MID1: variants seen among roughly 807,000 people sequenced by gnomAD.
MID1 encodes the protein midline 1.
In MID1, 7 loss-of-function variants were observed where a neutral mutation model predicts 40.4. That is an observed-to-expected ratio of 0.17 (90% confidence interval 0.10 to 0.33). The LOEUF (loss-of-function observed/expected upper bound fraction) is 0.33, where lower values mean the gene tolerates loss of function less well. MID1 is among the 10% of genes least tolerant of loss of function. The pLI is 1.00. For synonymous variants in MID1, 229 were observed against 221.2 expected (o/e 1.04, Z -0.31); for missense variants, 367 against 558.5 (o/e 0.66, Z 3.46).
At chrX:10,630,493 A>C (rs1405171026) in intron 1 of MID1, among the ~76,000 whole-genome samples, 5 of 107,851 alleles carry the variant, frequency 4.6e-5, no homozygotes, top group Non-Finnish European at 7.6e-5. Flanking sequence ...CTACAGTAGT[A>C]GGAGCTGAAG....
At chrX:10,717,700 T>C (rs1353566767) in intron 1 of MID1, among the ~76,000 whole-genome samples, 3 of 110,190 alleles carry the variant, frequency 2.7e-5, no homozygotes, top group African/African-American at 9.9e-5. Context: ...GCGGACCTAA[T>C]AGACATCTAC....
In MID1 at chrX:10,533,369, AAAG is replaced by A. The variant is rs1569089714; in HGVS notation, c.661-10185_661-10183del. ...GAAAGAAAGAAAGAAAGAAAGAAAG[AAAG>A]AAAGAAAAAGAAAGAAAGAAAAGAA... On this transcript the variant is annotated intron_variant, in intron 2 of 9. Transcript: ENST00000317552. 4.0e-3 allele frequency among the ~76,000 whole-genome samples: 332 copies of A among 82,086 alleles called. 1 individual carries two copies. Among genetic ancestry groups the A allele is most frequent in the South Asian group, 0.012 (16 of 1,339 alleles). 71.3% of individuals were successfully genotyped at this position (82,086 alleles called of 115,157 possible). A position where few individuals can be genotyped will look rare whatever the true frequency, so the allele number is the denominator to read the frequency against.
intron 1 of MID1, among the ~76,000 whole-genome samples, chrX:10,665,950 G>A (rs906065979): frequency 2.7e-5 from 3 of 109,755 alleles, no homozygotes; most frequent in Non-Finnish European, 3.8e-5. Flanking sequence ...AGCCAAAAAG[G>A]AAAATTGTTT....
intron 3 of MID1, among the ~76,000 whole-genome samples, chrX:10,513,041 G>T (rs1191886190): frequency 1.8e-5 from 2 of 112,031 alleles, no homozygotes; most frequent in Admixed American, 9.5e-5. Context: ...CATTTTATAT[G>T]CATGACTCAA....
intron 1 of MID1, among the ~76,000 whole-genome samples, chrX:10,727,179 A>C: frequency 8.9e-6 from 1 of 112,328 alleles, no homozygotes; most frequent in East Asian, 2.8e-4. Context: ...CAATGGCACA[A>C]TCTCAGCTCA....
chrX:10,620,648 T>A (rs920087598), upstream of MID1: 1 of 110,829 alleles, frequency 9.0e-6, no homozygotes, highest in South Asian at 3.9e-4. Context: ...AGCAAGGGGG[T>A]GGGTCCTGGG....
Position 10,454,861 on chromosome X carries a change from G to A in MID1, c.1655+9C>T. On this transcript the variant is annotated intron_variant, in intron 9 of 9. Coordinates refer to ENST00000317552, the MANE Select transcript of MID1 (RefSeq NM_000381.4). ...TATAACTGCAGGACAATAGAAATAA[G>A]TTGCTTACCATGTGCTTCCACTTAT... The A allele has an allele frequency of 8.3e-7, 1 of 1,198,146 alleles. No homozygotes were observed. The highest frequency in any genetic ancestry group is 1.1e-6 in the Non-Finnish European group (1 of 883,142).
At chrX:10,666,790 TC>T (rs769385289) in intron 1 of MID1, among the ~76,000 whole-genome samples, 1 of 111,517 alleles carries the variant, frequency 9.0e-6, no homozygotes, top group East Asian at 2.8e-4. Flanking sequence ...TTAATTACGG[TC>T]CTCAGCTATA....
At chrX:10,767,243 C>G (rs1402517587) in intron 1 of MID1, among the ~76,000 whole-genome samples, 1 of 112,258 alleles carries the variant, frequency 8.9e-6, no homozygotes, top group Admixed American at 9.4e-5. Flanking sequence ...GATTTTGGCT[C>G]ATTAGAAAAT....
At chrX:10,665,146 A>G (rs1158062628) in intron 1 of MID1, among the ~76,000 whole-genome samples, 1 of 112,344 alleles carries the variant, frequency 8.9e-6, no homozygotes, top group Non-Finnish European at 1.9e-5. Context: ...TGTAGCTCTT[A>G]ATAGCAAGAG....
intron 2 of MID1, among the ~76,000 whole-genome samples, chrX:10,540,851 TCAA>T (rs1375929178): frequency 8.9e-6 from 1 of 112,184 alleles, no homozygotes; most frequent in African/African-American, 3.2e-5. Context: ...CATAGTAGTC[TCAA>T]CAAATATTTG....
intron 1 of MID1, among the ~76,000 whole-genome samples, chrX:10,814,504 G>T (rs969946394): frequency 9.1e-6 from 1 of 110,070 alleles, no homozygotes; most frequent in East Asian, 2.9e-4. Context: ...CTTCACCCAG[G>T]TTCCCCCTAT....
Position 10,448,792 on chromosome X carries a change from T to C in MID1, c.*576A>G, listed in dbSNP as rs1928152538. ...TCCAAAATCAACTCTTTTCATTCTCTGTCTTGCTCTCCATTTTAGTTGATC... is the reference window on the plus strand; with the variant it reads ...TCCAAAATCAACTCTTTTCATTCTCCGTCTTGCTCTCCATTTTAGTTGATC... On this transcript the variant is annotated 3_prime_UTR_variant, in exon 10 of 10. Coordinates refer to ENST00000317552, the MANE Select transcript of MID1 (RefSeq NM_000381.4). The C allele has an allele frequency of 8.9e-6, 1 of 112,776 alleles. No individual in the cohort carries two copies. The highest frequency in any genetic ancestry group is 3.2e-5 in the African/African-American group (1 of 30,901). 9.3% of individuals were successfully genotyped at this position (112,776 alleles called of 1,213,427 possible).
At chrX:10,640,325 A>T (rs1157366870) in intron 1 of MID1, among the ~76,000 whole-genome samples, 2 of 111,416 alleles carry the variant, frequency 1.8e-5, no homozygotes, top group Non-Finnish European at 3.8e-5. Flanking sequence ...AAGAAGACCT[A>T]CCAAGCAAAT....
In MID1 at chrX:10,449,471, G is replaced by A. The variant is rs944621690; in HGVS notation, c.1901C>T (p.Ala634Val). 8.3e-7 allele frequency: 1 copy of A among 1,209,996 alleles called. No homozygotes were observed. Among genetic ancestry groups the A allele is most frequent in the Non-Finnish European group, 1.1e-6 (1 of 895,142 alleles). ...GGTGAAGGTGGGGCAAACAGGCTGC[G>A]CAAATGCGACGTCGAAGGTGTAGAG... ...IHLYTFDVAF[A>V]QPVCPTFTVW... The change falls in exon 10 of 10, where the codon GCG becomes GTG. Residue 634 changes from alanine to valine, a missense_variant. Coordinates refer to ENST00000317552, the MANE Select transcript of MID1 (RefSeq NM_000381.4).
intron 3 of MID1, among the ~76,000 whole-genome samples, chrX:10,512,782 G>A (rs1053909222): frequency 3.6e-5 from 4 of 111,708 alleles, no homozygotes; most frequent in Admixed American, 2.9e-4. Context: ...TAGTTTTCAC[G>A]ACTTTACATA....
At chrX:10,458,711 C>T (rs969966118) in intron 8 of MID1, among the ~76,000 whole-genome samples, 2 of 111,903 alleles carry the variant, frequency 1.8e-5, no homozygotes, top group African/African-American at 6.5e-5. Context: ...GCTCTCTTTA[C>T]ATCCCTTGTT....
At chrX:10,720,619 C>T (rs949003404) in intron 1 of MID1, among the ~76,000 whole-genome samples, 4 of 111,908 alleles carry the variant, frequency 3.6e-5, no homozygotes, top group African/African-American at 6.5e-5. Flanking sequence ...ACTAGCTCAA[C>T]CATTGTGGAA....
intron 1 of MID1, among the ~76,000 whole-genome samples, chrX:10,739,346 A>T (rs1235632567): frequency 3.6e-5 from 4 of 111,917 alleles, no homozygotes; most frequent in African/African-American, 1.3e-4. Flanking sequence ...GTAAGAAGTG[A>T]GAACAAATTA....
Sources: allele counts gnomAD v4.1 joint callset (sites outside exome capture counted in the v4.1 genomes callset), GRCh38; gene constraint gnomAD v4.1.1; transcripts MANE v1.5; gene names NCBI Gene and HGNC (gene_info 2026-07-23, HGNC 2026-07-21).